The following BRIP1 variants were observed in gnomAD, a reference collection of about 807,000 sequenced individuals.
BRIP1 encodes the protein Fanconi anemia group J protein.
A neutral mutation model predicts 119.7 loss-of-function variants in BRIP1; 88 were observed. That is an observed-to-expected ratio of 0.74 (90% CI 0.62 to 0.88). The LOEUF is 0.88. Ranked by LOEUF, BRIP1 falls within the 40% of genes least tolerant of loss-of-function variation. The probability of loss-of-function intolerance (pLI) is 0.00; values close to 1 mark genes in which losing one functional copy is unlikely to be tolerated. For missense variants in BRIP1, 1,259 were observed against 1,455.4 expected, an observed-to-expected ratio of 0.87 and a Z score of 2.20; for synonymous variants, 443 against 496.5, an observed-to-expected ratio of 0.89 and a Z score of 1.43.
chr17:61,716,895 G>A (rs748656745), intron 16 of BRIP1, among the ~76,000 whole-genome samples: 1 of 50,112 alleles, frequency 2.0e-5, no homozygotes, highest in Non-Finnish European at 4.0e-5. Flanking sequence ...ATCCTTATTA[G>A]TCTACCTTAA....
intron 10 of BRIP1, among the ~76,000 whole-genome samples, chr17:61,792,463 A>G (rs1006875860): frequency 2.0e-5 from 3 of 152,258 alleles, no homozygotes; most frequent in African/African-American, 7.2e-5. Context: ...GGTACATCCA[A>G]ATAATGAAAT....
intron 17 of BRIP1, among the ~76,000 whole-genome samples, chr17:61,697,198 A>G (rs1158844094): frequency 6.7e-6 from 1 of 149,388 alleles, no homozygotes; most frequent in African/African-American, 2.5e-5. Flanking sequence ...GCAGCCGGGC[A>G]TGGTGGCAGG....
intron 6 of BRIP1, among the ~76,000 whole-genome samples, chr17:61,813,280 G>A (rs2078190587): frequency 6.6e-6 from 1 of 151,258 alleles, no homozygotes. Flanking sequence ...ACAAAAACTT[G>A]TGTTCTTCCA....
intron 14 of BRIP1, among the ~76,000 whole-genome samples, chr17:61,771,013 C>T (rs1425124184): frequency 6.6e-6 from 1 of 152,140 alleles, no homozygotes; most frequent in African/African-American, 2.4e-5. Flanking sequence ...AATGCTCCAA[C>T]TATATGCTGT....
In BRIP1 at chr17:61,745,576, C is replaced by T. The variant is rs942113840; in HGVS notation, c.2098-985G>A. 6.6e-6 allele frequency among the ~76,000 whole-genome samples: 1 copy of T among 152,042 alleles called. No homozygotes were observed. The highest frequency in any genetic ancestry group is 2.4e-5 in the African/African-American group (1 of 41,372). On this transcript the variant is annotated intron_variant, in intron 14 of 19. Coordinates refer to ENST00000259008, the MANE Select transcript of BRIP1 (RefSeq NM_032043.3). The surrounding 1 kb of genome is among the most constrained non-coding windows in gnomAD (Gnocchi z 4.4). ...TAGAGATGAGATCCTGCTTTGTTGC[C>T]CAGGCTAGTCTCAAACTTCTGGTCT...
rs932069948 is a variant in BRIP1 at position 61,789,322 on chromosome 17, A to G, written c.1473+4275T>C. Among the ~76,000 whole-genome samples the G allele has an allele frequency of 3.9e-5, 6 of 152,014 alleles. No homozygotes were observed. The highest frequency in any genetic ancestry group is 1.4e-4 in the African/African-American group (6 of 41,410). On this transcript the variant is annotated intron_variant, in intron 10 of 19. Coordinates refer to ENST00000259008, the MANE Select transcript of BRIP1 (RefSeq NM_032043.3). The surrounding 1 kb of genome is among the most constrained non-coding windows in gnomAD (Gnocchi z 4.8). Reference sequence around the variant, plus strand: ...TTTTTTTAATTAAAAAAAGAAAAATAGGTAGCAGAGGTAGCATTACAAATT... The same window carrying G: ...TTTTTTTAATTAAAAAAAGAAAAATGGGTAGCAGAGGTAGCATTACAAATT...
chr17:61,771,858 A>G (rs541303053), intron 14 of BRIP1, among the ~76,000 whole-genome samples: 3 of 152,156 alleles, frequency 2.0e-5, no homozygotes, highest in African/African-American at 4.8e-5. Flanking sequence ...GCTACTCGGG[A>G]GGCTAAGGCA....
At chr17:61,786,149 G>A (rs1203078021) in intron 10 of BRIP1, among the ~76,000 whole-genome samples, 3 of 151,636 alleles carry the variant, frequency 2.0e-5, no homozygotes, top group Non-Finnish European at 2.9e-5. Context: ...GAAGAAAGAA[G>A]GGCAGAAAAG....
rs1449957833 is a variant in BRIP1, at chr17:61,704,492, A to G, written c.2493-10980T>C. Among the ~76,000 whole-genome samples the G allele has an allele frequency of 6.6e-6, 1 of 152,102 alleles. No individual in the cohort carries two copies. The highest frequency in any genetic ancestry group is 2.4e-5 in the African/African-American group (1 of 41,430). On this transcript the variant is annotated intron_variant, in intron 17 of 19. Coordinates refer to ENST00000259008, the MANE Select transcript of BRIP1 (RefSeq NM_032043.3). This position sits in a 1 kb window ranked among gnomAD's most constrained non-coding sequence, Gnocchi z 5.7. ...TTATCTGTTTCATCTTGGCCTCATA[A>G]AATAAATTGAGAAGGATTACATCTT...
chr17:61,855,261 T>G (rs1339599572), intron 4 of BRIP1, among the ~76,000 whole-genome samples: 1 of 152,122 alleles, frequency 6.6e-6, no homozygotes, highest in Non-Finnish European at 1.5e-5. Context: ...TTCATGGAGG[T>G]ACATATGTCA....
In BRIP1 at chr17:61,780,115, C is replaced by A; in HGVS notation, c.1935+146G>T. 1.2e-6 allele frequency: 1 copy of A among 844,152 alleles called. No individual in the cohort carries two copies. Among genetic ancestry groups the A allele is most frequent in the Non-Finnish European group, 1.9e-6 (1 of 531,602 alleles). The allele number at this position is 844,152 out of a possible 1,614,324, so 52.3% of individuals were successfully genotyped here. On this transcript the variant is annotated intron_variant, in intron 13 of 19. Transcript: ENST00000259008. The surrounding 1 kb of genome is among the most constrained non-coding windows in gnomAD (Gnocchi z 5.4). ...TGTTGACACATCATTAAGTAGCTGACAGATTTTCTTTTATTGTAAAACTGG... is the reference window on the plus strand; with the variant it reads ...TGTTGACACATCATTAAGTAGCTGAAAGATTTTCTTTTATTGTAAAACTGG...
rs1332084121 is a variant in BRIP1 at position 61,755,805 on chromosome 17, A to G, written c.2098-11214T>C. The stretch of plus-strand genomic sequence containing the variant: ...AAGAACAATGGAGAGTAAATAGGAT[A>G]CTAAGTCTGAGATACTGCAAGTTAC... On this transcript the variant is annotated intron_variant, in intron 14 of 19. Coordinates refer to ENST00000259008, the MANE Select transcript of BRIP1 (RefSeq NM_032043.3). The surrounding 1 kb of genome is among the most constrained non-coding windows in gnomAD (Gnocchi z 4.5). Among the ~76,000 whole-genome samples, 1 of 152,178 alleles carries G rather than the reference A, an allele frequency of 6.6e-6. No individual in the cohort carries two copies. Among genetic ancestry groups the G allele is most frequent in the African/African-American group, 2.4e-5 (1 of 41,438 alleles).
chr17:61,746,661 C>T lies in BRIP1; in HGVS notation c.2098-2070G>A, dbSNP rs375162000. ...TATTTAACAACTATAAATATACACA[C>T]AACCAACATCAGAGCACCCAAATAT... is the stretch of plus-strand genomic sequence containing the variant. On this transcript the variant is annotated intron_variant, in intron 14 of 19. Coordinates refer to ENST00000259008, the MANE Select transcript of BRIP1 (RefSeq NM_032043.3). The surrounding 1 kb of genome is among the most constrained non-coding windows in gnomAD (Gnocchi z 4.9). Among the ~76,000 whole-genome samples, 16 of 151,998 alleles carry T rather than the reference C, an allele frequency of 1.1e-4. No homozygotes were observed. The highest frequency in any genetic ancestry group is 3.4e-4 in the African/African-American group (14 of 41,406).
At chr17:61,817,196 A>G (rs1468209628) in intron 6 of BRIP1, among the ~76,000 whole-genome samples, 1 of 152,202 alleles carries the variant, frequency 6.6e-6, no homozygotes, top group African/African-American at 2.4e-5. Flanking sequence ...CAATCAAGAC[A>G]TGAATCAAAA....
chr17:61,693,930 T>A lies in BRIP1; in HGVS notation c.2493-418A>T, dbSNP rs2144192381. ...AAAATATTCTAAAATTCAATTGACA[T>A]AACATGTAGTTTTTCTTCTTTTGAC... is the stretch of plus-strand genomic sequence containing the variant. On this transcript the variant is annotated intron_variant, in intron 17 of 19. Transcript: ENST00000259008. This position sits in a 1 kb window ranked among gnomAD's most constrained non-coding sequence, Gnocchi z 4.2. Among the ~76,000 whole-genome samples the A allele has an allele frequency of 6.6e-6, 1 of 152,230 alleles. No homozygotes were observed. The highest frequency in any genetic ancestry group is 2.1e-4 in the South Asian group (1 of 4,824).
chr17:61,831,958 G>T lies in BRIP1; in HGVS notation c.627+15143C>A, dbSNP rs1341297284. Among the ~76,000 whole-genome samples the T allele has an allele frequency of 6.6e-6, 1 of 152,120 alleles. No homozygotes were observed. The highest frequency in any genetic ancestry group is 1.5e-5 in the Non-Finnish European group (1 of 68,018). The stretch of plus-strand genomic sequence containing the variant: ...AAAAAATATAGACATAAATGTATAT[G>T]TCTATGAGTCTGGGTTTGTGTACAC... On this transcript the variant is annotated intron_variant, in intron 6 of 19. Transcript: ENST00000259008. This position sits in a 1 kb window ranked among gnomAD's most constrained non-coding sequence, Gnocchi z 4.1.
intron 11 of BRIP1, among the ~76,000 whole-genome samples, chr17:61,782,668 A>C (rs976191157): frequency 2.0e-5 from 3 of 151,606 alleles, no homozygotes; most frequent in Admixed American, 6.6e-5. Flanking sequence ...ACAACAACAA[A>C]AAAACCCAAT....
intron 6 of BRIP1, among the ~76,000 whole-genome samples, chr17:61,818,121 G>A (rs2078264495): frequency 6.6e-6 from 1 of 150,388 alleles, no homozygotes; most frequent in South Asian, 2.1e-4. Flanking sequence ...GGGAGGCCAA[G>A]GCAGGCATAT....
chr17:61,833,991 T>C (rs921163004), intron 6 of BRIP1, among the ~76,000 whole-genome samples: 2 of 152,200 alleles, frequency 1.3e-5, no homozygotes, highest in South Asian at 2.1e-4. Context: ...TTTACTGTTA[T>C]AACGCAAAAG....
Sources: allele counts gnomAD v4.1 joint callset (sites outside exome capture counted in the v4.1 genomes callset), GRCh38; gene constraint gnomAD v4.1.1; non-coding constraint Gnocchi (gnomAD v3.1); transcripts MANE v1.5; gene names NCBI Gene and HGNC (gene_info 2026-07-23, HGNC 2026-07-21).